PLCL1: variants seen among roughly 807,000 people sequenced by gnomAD.
The protein encoded by PLCL1 is inactive phospholipase C-like protein 1.
In PLCL1, 41 loss-of-function variants were observed where a neutral mutation model predicts 84.4. The ratio of observed to expected loss-of-function variants is 0.49; its 90% CI spans 0.38 to 0.63. The LOEUF (loss-of-function observed/expected upper bound fraction) is 0.63, where lower values mean the gene tolerates loss of function less well. PLCL1 is among the 30% of genes least tolerant of loss of function. The pLI is 0.00. For missense variants in PLCL1, 1,206 were observed against 1,367.8 expected (o/e 0.88, Z 1.87); for synonymous variants, 490 against 488.3 (o/e 1.00, Z -0.05).
intron 1 of PLCL1, among the ~76,000 whole-genome samples, chr2:198,080,112 A>G (rs780444304): frequency 6.6e-6 from 1 of 152,222 alleles, no homozygotes; most frequent in Non-Finnish European, 1.5e-5. Context: ...GGTCATTGGA[A>G]TCAGTTCAGT....
chr2:197,949,165 A>C (rs998407368), intron 1 of PLCL1, among the ~76,000 whole-genome samples: 7 of 152,164 alleles, frequency 4.6e-5, no homozygotes, highest in African/African-American at 1.7e-4. Context: ...CAGATGATGA[A>C]CATCTGTCTA....
intron 1 of PLCL1, among the ~76,000 whole-genome samples, chr2:198,029,561 G>A (rs10184395): frequency 0.69 from 104,194 of 151,700 alleles, 36,126 homozygotes; most frequent in Middle Eastern, 0.85. Flanking sequence ...AGTGGGATAT[G>A]CCGTCTGGGC....
chr2:198,040,903 G>T (rs1019016167), intron 1 of PLCL1, among the ~76,000 whole-genome samples: 7 of 152,154 alleles, frequency 4.6e-5, no homozygotes, highest in African/African-American at 1.7e-4. Flanking sequence ...AATAGAGAGG[G>T]ACTGATTGTG....
chr2:198,101,722 G>A (rs1693342694), intron 4 of PLCL1, among the ~76,000 whole-genome samples: 2 of 151,896 alleles, frequency 1.3e-5, no homozygotes, highest in Admixed American at 1.3e-4. Flanking sequence ...TTTTACAATT[G>A]GAACCAAAAT....
At chr2:197,969,147 A>G (rs558330071) in intron 1 of PLCL1, among the ~76,000 whole-genome samples, 1 of 152,318 alleles carries the variant, frequency 6.6e-6, no homozygotes, top group South Asian at 2.1e-4. Context: ...GAAGAGTTTC[A>G]TCCTGAAACA....
chr2:198,133,771 A>G (rs1694186318), intron 5 of PLCL1, among the ~76,000 whole-genome samples: 1 of 152,068 alleles, frequency 6.6e-6, no homozygotes, highest in Non-Finnish European at 1.5e-5. Context: ...TCATGCTTTT[A>G]CTCTAACTTC....
intron 1 of PLCL1, among the ~76,000 whole-genome samples, chr2:197,817,072 T>G (rs1476725002): frequency 6.6e-6 from 1 of 152,160 alleles, no homozygotes; most frequent in Non-Finnish European, 1.5e-5. Flanking sequence ...CTGCCTAGTG[T>G]TAAAGGTACA....
intron 1 of PLCL1, among the ~76,000 whole-genome samples, chr2:197,848,751 G>A (rs1687166341): frequency 6.6e-6 from 1 of 152,138 alleles, no homozygotes; most frequent in Admixed American, 6.5e-5. Context: ...CAAACCACTT[G>A]CAGGTGTTGT....
intron 1 of PLCL1, among the ~76,000 whole-genome samples, chr2:197,876,955 A>G (rs995117981): frequency 5.9e-5 from 9 of 152,174 alleles, no homozygotes; most frequent in African/African-American, 1.4e-4. Flanking sequence ...TGATGCCAGC[A>G]TAGGCCACTT....
intron 1 of PLCL1, among the ~76,000 whole-genome samples, chr2:198,076,403 T>G (rs1199329558): frequency 2.0e-5 from 3 of 152,202 alleles, no homozygotes; most frequent in African/African-American, 7.2e-5. Context: ...TAAATAAAAT[T>G]TAATGGTAAA....
intron 1 of PLCL1, among the ~76,000 whole-genome samples, chr2:198,045,817 C>T (rs140190925): frequency 6.6e-6 from 1 of 152,116 alleles, no homozygotes; most frequent in Non-Finnish European, 1.5e-5. Context: ...ATACAATTGC[C>T]TCTTTAGGTT....
chr2:197,841,223 C>G (rs931802732), intron 1 of PLCL1, among the ~76,000 whole-genome samples: 1 of 151,834 alleles, frequency 6.6e-6, no homozygotes, highest in Non-Finnish European at 1.5e-5. Context: ...CTTCATGAAC[C>G]CATAGGTAGA....
At chr2:198,011,597 GT>G (rs1306705882) in intron 1 of PLCL1, among the ~76,000 whole-genome samples, 3 of 152,060 alleles carry the variant, frequency 2.0e-5, no homozygotes, top group Admixed American at 1.3e-4. Flanking sequence ...GTTGTTGGAT[GT>G]TGTATATATA....
At chr2:197,909,908 T>A (rs1192470485) in intron 1 of PLCL1, among the ~76,000 whole-genome samples, 1 of 152,026 alleles carries the variant, frequency 6.6e-6, no homozygotes, top group Non-Finnish European at 1.5e-5. Context: ...TCTCTTTGAA[T>A]CTCTCCTTCA....
intron 1 of PLCL1, among the ~76,000 whole-genome samples, chr2:197,980,718 A>G (rs1690086099): frequency 6.6e-6 from 1 of 152,220 alleles, no homozygotes. Flanking sequence ...GTAAATAAGC[A>G]AGATAATATC....
At chr2:198,126,991 A>AGTGTGTGTGT (rs368958990) in intron 5 of PLCL1, among the ~76,000 whole-genome samples, 103 of 129,230 alleles carry the variant, frequency 8.0e-4, no homozygotes, top group African/African-American at 3.0e-3. Context: ...TGAGTGTGTG[A>AGTGTGTGTGT]GTGTGTGTGT....
chr2:198,090,937 G>A (rs1244278642), intron 3 of PLCL1, among the ~76,000 whole-genome samples: 2 of 152,160 alleles, frequency 1.3e-5, no homozygotes, highest in Non-Finnish European at 2.9e-5. Flanking sequence ...TGTTTTATCT[G>A]CTGAAGCCAA....
At chr2:198,014,177 A>T (rs1217460991) in intron 1 of PLCL1, among the ~76,000 whole-genome samples, 2 of 152,170 alleles carry the variant, frequency 1.3e-5, no homozygotes, top group Non-Finnish European at 2.9e-5. Flanking sequence ...TGTGCTACAC[A>T]TGAGGACATG....
At chr2:197,849,964 A>G (rs1369966459) in intron 1 of PLCL1, among the ~76,000 whole-genome samples, 2 of 151,792 alleles carry the variant, frequency 1.3e-5, no homozygotes, top group African/African-American at 4.8e-5. Context: ...ATTTCCTTTT[A>G]ACACAAGTTT....
Sources: gnomAD v4.1 joint callset for allele counts (sites outside exome capture counted in the v4.1 genomes callset) on GRCh38, gnomAD v4.1.1 for gene constraint, MANE v1.5 for transcripts, NCBI Gene and HGNC (gene_info 2026-07-23, HGNC 2026-07-21) for gene names.